Variants in PTPRN2 observed in about 807,000 individuals in gnomAD.
PTPRN2 encodes the protein protein tyrosine phosphatase receptor type N2.
PTPRN2 carries 74 observed loss-of-function variants against 118.8 expected under a neutral mutation model. The observed-to-expected ratio is 0.62, with a 90% CI of 0.52 to 0.76. The LOEUF (loss-of-function observed/expected upper bound fraction) is 0.76, where lower values mean the gene tolerates loss of function less well. PTPRN2 is among the 30% of genes least tolerant of loss of function. The probability of loss-of-function intolerance (pLI) is 0.00; values close to 1 mark genes in which losing one functional copy is unlikely to be tolerated. For missense variants in PTPRN2, 1,481 were observed against 1,394.4 expected (o/e 1.06, Z -0.99); for synonymous variants, 641 against 608.0 (o/e 1.05, Z -0.80).
At chr7:157,694,664 C>G (rs1229062050) in intron 12 of PTPRN2, among the ~76,000 whole-genome samples, 1 of 152,048 alleles carries the variant, frequency 6.6e-6, no homozygotes, top group African/African-American at 2.4e-5. Flanking sequence ...GAAAATGTAT[C>G]TTCTAATTCT....
At chr7:158,515,117 G>C (rs1238186963) in intron 1 of PTPRN2, among the ~76,000 whole-genome samples, 1 of 152,040 alleles carries the variant, frequency 6.6e-6, no homozygotes, top group Non-Finnish European at 1.5e-5. Flanking sequence ...GGGATGCGGA[G>C]AGAAAGGGGC....
At position 158,570,342 on chromosome 7, in the gene PTPRN2, A is replaced by C. The variant is rs1827946294; in HGVS notation, c.112+17216T>G. ...TCCACCGCGCTCTGCCAACCGGGAC[A>C]AGGTGTTTTGCTGAATAAATAAATT... is the stretch of plus-strand genomic sequence containing the variant. On this transcript the variant is annotated intron_variant, in intron 1 of 22. Transcript: ENST00000389418. This position sits in a 1 kb window ranked among gnomAD's most constrained non-coding sequence, Gnocchi z 4.5. Among the ~76,000 whole-genome samples, 2 of 152,188 alleles carry C rather than the reference A, an allele frequency of 1.3e-5. No individual in the cohort carries two copies. Among genetic ancestry groups the C allele is most frequent in the African/African-American group, 4.8e-5 (2 of 41,452 alleles).
chr7:158,343,898 T>C (rs550442863), intron 2 of PTPRN2, among the ~76,000 whole-genome samples: 41 of 150,664 alleles, frequency 2.7e-4, no homozygotes, highest in Middle Eastern at 3.5e-3. Flanking sequence ...CCATGGAGGG[T>C]CTAGACTGCA....
intron 6 of PTPRN2, among the ~76,000 whole-genome samples, chr7:158,142,479 C>G (rs373138966): frequency 7.9e-5 from 12 of 152,246 alleles, no homozygotes; most frequent in African/African-American, 2.9e-4. Context: ...CCAGATCTCT[C>G]GGGCTTGCCG....
chr7:158,172,237 A>G (rs1399513696), intron 5 of PTPRN2, among the ~76,000 whole-genome samples: 1 of 152,220 alleles, frequency 6.6e-6, no homozygotes, highest in Non-Finnish European at 1.5e-5. Context: ...AACCTCTTGA[A>G]GTCTCATTTT....
chr7:158,474,855 CCGGG>C (rs980926989), intron 2 of PTPRN2, among the ~76,000 whole-genome samples: 2 of 152,204 alleles, frequency 1.3e-5, no homozygotes, highest in Admixed American at 6.5e-5. Flanking sequence ...AAGAGAGAGG[CCGGG>C]TGATGCCACG....
rs113911266 is a variant in PTPRN2 at position 157,813,938 on chromosome 7, C to T, written c.1788+84735G>A. On this transcript the variant is annotated intron_variant, in intron 12 of 22. Coordinates refer to ENST00000389418, the MANE Select transcript of PTPRN2 (RefSeq NM_002847.5). The surrounding 1 kb of genome is among the most constrained non-coding windows in gnomAD (Gnocchi z 4.7). ...GACCCCGGGGACCCCGCCGTGAGAG[C>T]CCCGACACAAGTCGCGGTTTGTGGT... 3.5e-3 allele frequency among the ~76,000 whole-genome samples: 527 copies of T among 152,358 alleles called. 1 individual carries two copies. The highest frequency in any genetic ancestry group is 0.012 in the African/African-American group (509 of 41,582).
intron 2 of PTPRN2, among the ~76,000 whole-genome samples, chr7:158,326,046 G>C (rs965357205): frequency 6.6e-6 from 1 of 152,206 alleles, no homozygotes; most frequent in Non-Finnish European, 1.5e-5. Flanking sequence ...GCAGGGCTCA[G>C]GGCGCACTTT....
At chr7:158,325,559 T>C (rs1237472583) in intron 2 of PTPRN2, among the ~76,000 whole-genome samples, 1 of 152,224 alleles carries the variant, frequency 6.6e-6, no homozygotes, top group Non-Finnish European at 1.5e-5. Context: ...GGTATGCACG[T>C]GAAAACTGAT....
chr7:158,573,958 GAA>G (rs929207285), intron 1 of PTPRN2, among the ~76,000 whole-genome samples: 5 of 152,130 alleles, frequency 3.3e-5, no homozygotes, highest in Non-Finnish European at 7.3e-5. Context: ...CCAGAGATTT[GAA>G]AAGATTCTTA....
chr7:158,527,310 A>C (rs1399119438), intron 1 of PTPRN2, among the ~76,000 whole-genome samples: 1 of 143,198 alleles, frequency 7.0e-6, no homozygotes, highest in African/African-American at 2.8e-5. Context: ...GCCCCCCGCC[A>C]CCGGAGCCAC....
chr7:158,280,410 G>A (rs1202686422), intron 3 of PTPRN2, among the ~76,000 whole-genome samples: 2 of 152,210 alleles, frequency 1.3e-5, no homozygotes, highest in Non-Finnish European at 2.9e-5. Flanking sequence ...CAGCGACGAG[G>A]GCAGGAGCCG....
intron 2 of PTPRN2, among the ~76,000 whole-genome samples, chr7:158,385,168 C>G (rs1390978973): frequency 6.6e-6 from 1 of 152,150 alleles, no homozygotes; most frequent in African/African-American, 2.4e-5. Flanking sequence ...TCGACAAGAA[C>G]CTAAATGTCT....
At chr7:157,744,489 T>G (rs142197846) in intron 12 of PTPRN2, among the ~76,000 whole-genome samples, 242 of 152,324 alleles carry the variant, frequency 1.6e-3, no homozygotes, top group African/African-American at 5.4e-3. Context: ...ATGGCTCTGG[T>G]GAGCATGCTC....
chr7:158,268,936 C>T (rs757357105), intron 3 of PTPRN2, among the ~76,000 whole-genome samples: 5 of 151,410 alleles, frequency 3.3e-5, no homozygotes, highest in Non-Finnish European at 7.4e-5. Context: ...GCACACAGGG[C>T]GGGTGTGAAA....
chr7:157,928,734 T>TG (rs1799176160), intron 11 of PTPRN2, among the ~76,000 whole-genome samples: 1 of 62,096 alleles, frequency 1.6e-5, no homozygotes, highest in Non-Finnish European at 2.9e-5. Flanking sequence ...GGGCAGAGGG[T>TG]GGAAGATGAG....
intron 14 of PTPRN2, among the ~76,000 whole-genome samples, chr7:157,639,431 C>T (rs1320814588): frequency 1.3e-5 from 2 of 152,212 alleles, no homozygotes; most frequent in Non-Finnish European, 1.5e-5. Context: ...CACTGTTTTC[C>T]TTTGTGTAAT....
intron 3 of PTPRN2, among the ~76,000 whole-genome samples, chr7:158,264,959 G>A (rs1049742352): frequency 6.6e-6 from 1 of 151,972 alleles, no homozygotes; most frequent in Admixed American, 6.6e-5. Flanking sequence ...ACCCTCACCT[G>A]CTAGAGCAGT....
At chr7:158,361,913 C>T (rs1809011852) in intron 2 of PTPRN2, among the ~76,000 whole-genome samples, 1 of 152,208 alleles carries the variant, frequency 6.6e-6, no homozygotes, top group Non-Finnish European at 1.5e-5. Context: ...CTTCCCAGCT[C>T]TTCCCGCTGA....
Sources: gnomAD v4.1 joint callset for allele counts (sites outside exome capture counted in the v4.1 genomes callset) on GRCh38, gnomAD v4.1.1 for gene constraint, Gnocchi (gnomAD v3.1) non-coding constraint, MANE v1.5 for transcripts, NCBI Gene and HGNC (gene_info 2026-07-23, HGNC 2026-07-21) for gene names.